Variants in CSMD1 observed in about 807,000 individuals in gnomAD.
CSMD1 encodes CUB and Sushi multiple domains 1, also known as CUB and sushi domain-containing protein 1.
In CSMD1, 213 loss-of-function variants were observed where a neutral mutation model predicts 417.5. The observed-to-expected ratio is 0.51, with a 90% confidence interval of 0.46 to 0.57. CSMD1 has a LOEUF of 0.57. Ranked by LOEUF, CSMD1 falls within the 20% of genes least tolerant of loss-of-function variation. The pLI is 0.00. For synonymous variants in CSMD1, 2,862 were observed against 1,736.8 expected (o/e 1.65, Z -16.11); for missense variants, 6,923 against 4,529.7 (o/e 1.53, Z -15.17).
chr8:3,322,933 T>TTTTTTG (rs1019423288), intron 23 of CSMD1, among the ~76,000 whole-genome samples: 3 of 152,348 alleles, frequency 2.0e-5, no homozygotes, highest in African/African-American at 7.2e-5. Context: ...TTTTTTGCTT[T>TTTTTTG]TTTTTGTTTT....
At chr8:4,044,470 G>T (rs750871322) in intron 3 of CSMD1, among the ~76,000 whole-genome samples, 1 of 152,246 alleles carries the variant, frequency 6.6e-6, no homozygotes, top group South Asian at 2.1e-4. Flanking sequence ...TAACTGGAGG[G>T]TCACATCTCA....
intron 1 of CSMD1, among the ~76,000 whole-genome samples, chr8:4,930,921 G>A (rs1448838598): frequency 4.6e-5 from 7 of 152,144 alleles, no homozygotes; most frequent in Admixed American, 6.5e-5. Flanking sequence ...TAACACAGTG[G>A]TTGACATTGT....
At chr8:3,742,157 T>G (rs1796839254) in intron 6 of CSMD1, among the ~76,000 whole-genome samples, 1 of 152,160 alleles carries the variant, frequency 6.6e-6, no homozygotes, top group South Asian at 2.1e-4. Flanking sequence ...TCTATCGCCT[T>G]TCTGTAAAGT....
Position 4,859,784 on chromosome 8 carries a change from A to T in CSMD1, c.85+134548T>A, listed in dbSNP as rs532026109. Among the ~76,000 whole-genome samples, 5 of 152,206 alleles carry T rather than the reference A, an allele frequency of 3.3e-5. No individual in the cohort carries two copies. In the East Asian group the frequency reaches 9.7e-4, roughly 29 times the overall value. The stretch of plus-strand genomic sequence containing the variant: ...AACAGGTGCTGGAGAGGATGTGGAG[A>T]AATAGGAACACTTTGACACTGTTGG... On this transcript the variant is annotated intron_variant, in intron 1 of 69. Transcript: ENST00000635120.
chr8:4,050,013 G>A (rs979290878), intron 3 of CSMD1, among the ~76,000 whole-genome samples: 16 of 152,172 alleles, frequency 1.1e-4, no homozygotes, highest in Non-Finnish European at 8.8e-5. Context: ...GGCCTTGATG[G>A]TTTTCAGAAG....
At chr8:3,545,551 T>C (rs908653190) in intron 10 of CSMD1, among the ~76,000 whole-genome samples, 1 of 152,068 alleles carries the variant, frequency 6.6e-6, no homozygotes, top group South Asian at 2.1e-4. Context: ...TAATGTGATG[T>C]AGACTACAAA....
chr8:4,678,063 AC>A (rs1161510596), intron 1 of CSMD1, among the ~76,000 whole-genome samples: 1 of 152,176 alleles, frequency 6.6e-6, no homozygotes, highest in African/African-American at 2.4e-5. Context: ...ATGGACACAC[AC>A]CCACATATGA....
intron 6 of CSMD1, among the ~76,000 whole-genome samples, chr8:3,713,613 C>A (rs747908229): frequency 4.6e-5 from 7 of 152,134 alleles, no homozygotes; most frequent in Non-Finnish European, 8.8e-5. Flanking sequence ...ACACCCGTAC[C>A]GTCCTTCATT....
At chr8:2,985,969 G>A (rs954949014) in intron 54 of CSMD1, among the ~76,000 whole-genome samples, 1 of 144,812 alleles carries the variant, frequency 6.9e-6, no homozygotes. Context: ...GAAGGGGAAG[G>A]GGAAGGGAAA....
chr8:3,486,449 C>A (rs143808128), intron 11 of CSMD1, among the ~76,000 whole-genome samples: 4 of 152,280 alleles, frequency 2.6e-5, no homozygotes, highest in African/African-American at 9.6e-5. Context: ...CAATAAAAAT[C>A]TTTAAATGCT....
chr8:3,874,144 G>T (rs184628674), intron 5 of CSMD1, among the ~76,000 whole-genome samples: 1 of 152,134 alleles, frequency 6.6e-6, no homozygotes, highest in African/African-American at 2.4e-5. Flanking sequence ...TTCCCCTGGG[G>T]ATGCAATCTG....
chr8:3,826,976 G>A (rs1802091355), intron 5 of CSMD1, among the ~76,000 whole-genome samples: 1 of 151,956 alleles, frequency 6.6e-6, no homozygotes. Flanking sequence ...GAGACAGAGT[G>A]TTGCTATGTT....
intron 1 of CSMD1, among the ~76,000 whole-genome samples, chr8:4,716,172 A>G (rs1326764657): frequency 6.6e-6 from 1 of 152,144 alleles, no homozygotes; most frequent in Non-Finnish European, 1.5e-5. Context: ...TCAGCGAGGA[A>G]TCCCCCTGAG....
chr8:3,191,851 A>G (rs1027132579), intron 33 of CSMD1, among the ~76,000 whole-genome samples: 6 of 152,194 alleles, frequency 3.9e-5, no homozygotes, highest in African/African-American at 1.4e-4. Context: ...GTATTTAGGT[A>G]CTGTCTCTGG....
chr8:3,292,166 G>A (rs767188385), intron 25 of CSMD1, among the ~76,000 whole-genome samples: 8 of 152,132 alleles, frequency 5.3e-5, no homozygotes, highest in Non-Finnish European at 4.4e-5. Flanking sequence ...TTGAGTTCTA[G>A]TTTGATTGCA....
At chr8:3,313,485 T>C (rs1202621176) in intron 23 of CSMD1, among the ~76,000 whole-genome samples, 2 of 152,176 alleles carry the variant, frequency 1.3e-5, no homozygotes, top group Non-Finnish European at 2.9e-5. Flanking sequence ...AGATGACATT[T>C]ATGCAGCCAA....
intron 3 of CSMD1, among the ~76,000 whole-genome samples, chr8:4,077,279 C>CTATATATATATATATGTGTATATATA (rs1401326965): frequency 5.3e-5 from 5 of 94,992 alleles, no homozygotes; most frequent in African/African-American, 1.3e-4. Flanking sequence ...CATTTGTCAC[C>CTATATATATATATATGTGTATATATA]TATATATATA....
intron 3 of CSMD1, among the ~76,000 whole-genome samples, chr8:4,046,547 A>G (rs1045360526): frequency 6.6e-6 from 1 of 152,222 alleles, no homozygotes; most frequent in Non-Finnish European, 1.5e-5. Flanking sequence ...AACTCTGTAC[A>G]TAGTATAACT....
chr8:3,768,046 T>C (rs1346879415), intron 5 of CSMD1, among the ~76,000 whole-genome samples: 2 of 152,194 alleles, frequency 1.3e-5, no homozygotes, highest in Non-Finnish European at 2.9e-5. Context: ...GAATCAATCT[T>C]TGACCCCGAG....
Sources: gnomAD v4.1 joint callset for allele counts (sites outside exome capture counted in the v4.1 genomes callset) on GRCh38, gnomAD v4.1.1 for gene constraint, MANE v1.5 for transcripts, NCBI Gene and HGNC (gene_info 2026-07-23, HGNC 2026-07-21) for gene names.